The following FOXP1 variants were observed in gnomAD, a reference collection of about 807,000 sequenced individuals.
FOXP1 encodes the protein forkhead box protein P1.
Under a neutral mutation model 98.2 loss-of-function variants are expected in FOXP1, and 15 were observed. The observed-to-expected ratio is 0.15, with a 90% confidence interval of 0.10 to 0.24. The LOEUF (loss-of-function observed/expected upper bound fraction) is 0.24. Ranked by LOEUF, FOXP1 falls within the 10% of genes least tolerant of loss-of-function variation. FOXP1 has a pLI of 1.00. For synonymous variants in FOXP1, 371 were observed against 314.5 expected (o/e 1.18, Z -1.90); for missense variants, 633 against 848.5 (o/e 0.75, Z 3.15).
chr3:71,507,841 T>C (rs909211063), intron 2 of FOXP1, among the ~76,000 whole-genome samples: 1 of 152,240 alleles, frequency 6.6e-6, no homozygotes, highest in Non-Finnish European at 1.5e-5. Context: ...CCTCCCAAAG[T>C]GCTGGGATTA....
At chr3:70,965,789 C>T (rs2034635316) in intron 20 of FOXP1, 101 bp downstream of exon 20, 1 of 1,208,360 alleles carries the variant, frequency 8.3e-7, no homozygotes, top group East Asian at 2.3e-5. Context: ...TCAGAAATTA[C>T]AGAAAAGGTA....
intron 12 of FOXP1, among the ~76,000 whole-genome samples, chr3:71,010,397 C>A (rs2043413187): frequency 6.6e-6 from 1 of 152,120 alleles, no homozygotes; most frequent in Non-Finnish European, 1.5e-5. Context: ...GTTTCCTTAA[C>A]TCTATGCTGG....
At chr3:71,212,106 T>A (rs1283992337) in intron 5 of FOXP1, among the ~76,000 whole-genome samples, 1 of 152,182 alleles carries the variant, frequency 6.6e-6, no homozygotes, top group Admixed American at 6.5e-5. Flanking sequence ...AGAGACAGAT[T>A]AAAGATACTA....
intron 11 of FOXP1, among the ~76,000 whole-genome samples, chr3:71,032,596 C>A (rs898749646): frequency 1.3e-5 from 2 of 152,208 alleles, no homozygotes; most frequent in Non-Finnish European, 2.9e-5. Context: ...ATCTAACGCA[C>A]TCATTTGCAT....
At chr3:70,963,301 TAGA>T (rs2033995972) in intron 20 of FOXP1, among the ~76,000 whole-genome samples, 1 of 152,116 alleles carries the variant, frequency 6.6e-6, no homozygotes, top group South Asian at 2.1e-4. Context: ...TTCGAAACTT[TAGA>T]GAAGTGAAAT....
At chr3:71,140,183 T>A (rs1050962054) in intron 6 of FOXP1, among the ~76,000 whole-genome samples, 1 of 152,226 alleles carries the variant, frequency 6.6e-6, no homozygotes, top group South Asian at 2.1e-4. Flanking sequence ...AATATCTGCA[T>A]ACACATGGTA....
At chr3:71,185,420 A>C (rs1270057846) in intron 6 of FOXP1, among the ~76,000 whole-genome samples, 4 of 152,334 alleles carry the variant, frequency 2.6e-5, no homozygotes, top group South Asian at 4.1e-4. Context: ...AACTATTTTT[A>C]AATTAGGTAT....
At chr3:70,992,737 C>T (rs568636514) in intron 13 of FOXP1, among the ~76,000 whole-genome samples, 1 of 152,256 alleles carries the variant, frequency 6.6e-6, no homozygotes, top group East Asian at 1.9e-4. Flanking sequence ...AATACTAAGT[C>T]ATAGTCTAGG....
At chr3:71,039,762 A>G (rs1304545556) in intron 11 of FOXP1, among the ~76,000 whole-genome samples, 1 of 152,044 alleles carries the variant, frequency 6.6e-6, no homozygotes, top group East Asian at 1.9e-4. Context: ...TCTTGAAAAA[A>G]AAAAAAAAAA....
At chr3:70,959,679 T>A (rs1180244626) in intron 20 of FOXP1, among the ~76,000 whole-genome samples, 1 of 152,216 alleles carries the variant, frequency 6.6e-6, no homozygotes, top group Non-Finnish European at 1.5e-5. Context: ...CATCACTGCG[T>A]AAAGTTCTCT....
At chr3:71,539,204 C>T (rs994446556) in intron 2 of FOXP1, among the ~76,000 whole-genome samples, 5 of 149,994 alleles carry the variant, frequency 3.3e-5, no homozygotes, top group South Asian at 2.1e-4. Context: ...CTCCGCCTCC[C>T]GGGTTCACGC....
At chr3:71,192,431 A>T (rs1383398696) in intron 6 of FOXP1, among the ~76,000 whole-genome samples, 2 of 152,222 alleles carry the variant, frequency 1.3e-5, no homozygotes, top group African/African-American at 2.4e-5. Flanking sequence ...AGATGCAATA[A>T]GCACCTTCAT....
At chr3:71,186,784 T>C (rs144110343) in intron 6 of FOXP1, among the ~76,000 whole-genome samples, 1 of 152,248 alleles carries the variant, frequency 6.6e-6, no homozygotes, top group East Asian at 1.9e-4. Context: ...TAGAAAAGAG[T>C]GACGAATGCT....
intron 5 of FOXP1, among the ~76,000 whole-genome samples, chr3:71,216,826 A>G (rs2064971631): frequency 1.3e-5 from 2 of 152,092 alleles, no homozygotes; most frequent in Non-Finnish European, 2.9e-5. Context: ...CTGATGGTTA[A>G]TTGTCCCTCC....
chr3:71,220,225 G>A (rs943092684), intron 5 of FOXP1, among the ~76,000 whole-genome samples: 2 of 152,170 alleles, frequency 1.3e-5, no homozygotes, highest in Non-Finnish European at 2.9e-5. Context: ...AATGTCAGAC[G>A]AGTGAATGAA....
chr3:71,300,530 G>C (rs1184667508), intron 4 of FOXP1, among the ~76,000 whole-genome samples: 1 of 152,046 alleles, frequency 6.6e-6, no homozygotes, highest in Non-Finnish European at 1.5e-5. Context: ...AAAACACAAA[G>C]AAACCATGGA....
intron 6 of FOXP1, among the ~76,000 whole-genome samples, chr3:71,182,502 A>ATGTGTGTG (rs1234678062): frequency 9.0e-5 from 12 of 133,700 alleles, no homozygotes; most frequent in African/African-American, 3.4e-4. Flanking sequence ...AACTATATAT[A>ATGTGTGTG]TGTGTGTGTG....
chr3:71,261,275 T>A (rs1161203457), intron 5 of FOXP1, among the ~76,000 whole-genome samples: 1 of 152,186 alleles, frequency 6.6e-6, no homozygotes, highest in Non-Finnish European at 1.5e-5. Flanking sequence ...CCACTTTTAG[T>A]AAATTATCAC....
intron 6 of FOXP1, among the ~76,000 whole-genome samples, chr3:71,189,890 T>C (rs529442575): frequency 1.3e-5 from 2 of 152,284 alleles, no homozygotes; most frequent in African/African-American, 4.8e-5. Context: ...GAACCTAGAC[T>C]TCACTAAGGG....
Sources: allele counts gnomAD v4.1 joint callset (sites outside exome capture counted in the v4.1 genomes callset), GRCh38; gene constraint gnomAD v4.1.1; transcripts MANE v1.5; gene names NCBI Gene and HGNC (gene_info 2026-07-23, HGNC 2026-07-21).